COQ2: variants seen among roughly 807,000 people sequenced by gnomAD.
The protein encoded by COQ2 is 4-hydroxybenzoate polyprenyltransferase, mitochondrial.
A neutral mutation model predicts 35.7 loss-of-function variants in COQ2; 25 were observed. The ratio of observed to expected loss-of-function variants is 0.70; its 90% confidence interval spans 0.51 to 0.98. The LOEUF is 0.98. Among genes scored for constraint, COQ2 ranks in the 50% least tolerant of loss-of-function variants. The pLI is 0.00. For synonymous variants in COQ2, 206 were observed against 186.2 expected, an observed-to-expected ratio of 1.11 and a Z score of -0.86; for missense variants, 488 against 473.5, an observed-to-expected ratio of 1.03 and a Z score of -0.28.
intron 2 of COQ2, among the ~76,000 whole-genome samples, chr4:83,276,124 A>G (rs1735177356): frequency 6.8e-6 from 1 of 147,286 alleles, no homozygotes; most frequent in Admixed American, 6.8e-5. Flanking sequence ...TGTACAGAAT[A>G]AAACTGACCA....
At chr4:83,284,915 C>A, upstream of COQ2, 1 of 1,509,190 alleles carries the variant, frequency 6.6e-7, no homozygotes, top group Non-Finnish European at 8.8e-7. Flanking sequence ...TTGGGGTCAT[C>A]GTGGTCGCTT....
At position 83,264,354 on chromosome 4, in the gene COQ2, G is replaced by C. The variant is rs2126170297; in HGVS notation, c.961C>G (p.Leu321Val). 1.9e-6 allele frequency: 3 copies of C among 1,607,176 alleles called. No homozygotes were observed. The highest frequency in any genetic ancestry group is 1.1e-5 in the South Asian group (1 of 89,220). The stretch of plus-strand genomic sequence containing the variant: ...CAATCCTCAGGTCTGTGGATGTCTA[G>C]AGTGTAAATCTGCAAGAGAGGAATA... ...GAHLTHQIYT[L>V]DIHRPEDCWN... Residue 321 changes from leucine (L) to valine (V), a missense_variant, in exon 7 of 7, where the codon CTA becomes GTA. Transcript: ENST00000647002.
chr4:83,270,399 A>G (rs537545211), intron 4 of COQ2, among the ~76,000 whole-genome samples: 9 of 152,082 alleles, frequency 5.9e-5, no homozygotes, highest in Non-Finnish European at 1.3e-4. Flanking sequence ...CTCCCCTATC[A>G]GCTACTGAAA....
intron 1 of COQ2, 142 bp from the exon 2 acceptor site, chr4:83,279,256 A>G (rs1275624480): frequency 9.1e-7 from 1 of 1,103,668 alleles, no homozygotes; most frequent in African/African-American, 1.6e-5. Context: ...TAAATTTGCA[A>G]CTCAAATCAC....
intron 1 of COQ2, chr4:83,283,439 A>T (rs1179198625): frequency 1.0e-6 from 1 of 985,246 alleles, no homozygotes; most frequent in Non-Finnish European, 1.2e-6. Context: ...TAGTGTTCTA[A>T]CACTCCACCC....
At chr4:83,282,883 G>C (rs528300000) in intron 1 of COQ2, among the ~76,000 whole-genome samples, 2 of 152,308 alleles carry the variant, frequency 1.3e-5, no homozygotes, top group African/African-American at 4.8e-5. Context: ...ATGGCGGAAG[G>C]TCCAGCCACT....
At position 83,269,850 on chromosome 4, in the gene COQ2, AT is replaced by A. The variant is rs1337962264; in HGVS notation, c.762+9del. ...ACTAAACCAAAGTTAAGAAAAGATA[AT>A]TTCTTTACCTGATGGGCATAAATAG... On this transcript the variant is annotated intron_variant, in intron 5 of 6. Transcript: ENST00000647002. 6.5e-7 allele frequency: 1 copy of A among 1,538,148 alleles called. No homozygotes were observed. The highest frequency in any genetic ancestry group is 8.7e-7 in the Non-Finnish European group (1 of 1,145,612).
In COQ2 at chr4:83,273,491, T is replaced by C. The variant is rs1735095860; in HGVS notation, c.542+5A>G. Reference sequence around the variant, plus strand: ...TATACATGATGTGGAAAACGTTTAATATACCTGTAGTAATTTAGACACAGA... The same window carrying C: ...TATACATGATGTGGAAAACGTTTAACATACCTGTAGTAATTTAGACACAGA... On this transcript the variant is annotated splice_donor_5th_base_variant and intron_variant, in intron 3 of 6. Transcript: ENST00000647002. 6.8e-6 allele frequency: 11 copies of C among 1,608,688 alleles called. No homozygotes were observed. Among genetic ancestry groups the C allele is most frequent in the Non-Finnish European group, 8.5e-6 (10 of 1,178,258 alleles).
Position 83,265,501 on chromosome 4 carries a change from G to A in COQ2, c.952-1138C>T, listed in dbSNP as rs144040312. Among the ~76,000 whole-genome samples the A allele has an allele frequency of 6.7e-3, 1,018 of 152,136 alleles. 9 individuals are homozygous for A. The highest frequency in any genetic ancestry group is 0.023 in the African/African-American group (964 of 41,532). On this transcript the variant is annotated intron_variant, in intron 6 of 6. Transcript: ENST00000647002. ...GCACGAGAATCGCTTGAAACCAGGA[G>A]GTGGTGGAGGTTGTACTGAGCCAAG...
chr4:83,269,819 G>C (rs1490198937), intron 5 of COQ2, 41 bp downstream of exon 5: 1 of 1,457,166 alleles, frequency 6.9e-7, no homozygotes, highest in Non-Finnish European at 9.1e-7. Context: ...TTTAAAAACA[G>C]CAACAACTAA....
At chr4:83,284,438 G>A in intron 1 of COQ2, 74 bp downstream of exon 1, 2 of 1,482,632 alleles carry the variant, frequency 1.3e-6, no homozygotes, top group Non-Finnish European at 1.8e-6. Flanking sequence ...GCCGGCCGCC[G>A]CGGACAGCTC....
At chr4:83,269,093 T>C (rs1353764001) in intron 5 of COQ2, among the ~76,000 whole-genome samples, 1 of 152,208 alleles carries the variant, frequency 6.6e-6, no homozygotes, top group Non-Finnish European at 1.5e-5. Flanking sequence ...TAAAAATGCA[T>C]ATAATCCTTT....
At position 83,284,788 on chromosome 4, in the gene COQ2, C is replaced by G. The variant is rs1193747329; in HGVS notation, c.-24G>C. On this transcript the variant is annotated 5_prime_UTR_variant, in exon 1 of 7. Coordinates refer to ENST00000647002, the MANE Select transcript of COQ2 (RefSeq NM_001358921.2). ...ATGGCGCTGGTGAGGCCGGGACGAG[C>G]TCGGATTGACGTCATTCCCCGGCAG... The G allele has an allele frequency of 3.2e-6, 5 of 1,567,392 alleles. No individual in the cohort carries two copies. The South Asian group carries it at 5.8e-5, about 18-fold the overall frequency.
At chr4:83,284,318 T>G (rs1241296823) in intron 1 of COQ2, 194 bp downstream of exon 1, 1 of 983,472 alleles carries the variant, frequency 1.0e-6, no homozygotes, top group Admixed American at 6.2e-5. Context: ...GCAGCCAAGC[T>G]CAAGCTTTCA....
At chr4:83,270,101 G>A (rs1735012071) in intron 4 of COQ2, 108 bp from the exon 5 acceptor site, 2 of 1,178,456 alleles carry the variant, frequency 1.7e-6, no homozygotes, top group Admixed American at 2.5e-5. Context: ...ATCAGACTCT[G>A]TGTGTGCTGC....
At chr4:83,268,438 T>C (rs962177887) in intron 5 of COQ2, among the ~76,000 whole-genome samples, 3 of 152,210 alleles carry the variant, frequency 2.0e-5, no homozygotes, top group Admixed American at 6.5e-5. Context: ...TCAGTGGCTG[T>C]ATGCTGAACT....
intron 1 of COQ2, chr4:83,283,379 G>C: frequency 1.0e-6 from 1 of 985,284 alleles, no homozygotes; most frequent in Non-Finnish European, 1.2e-6. Context: ...GTCTAGTCTC[G>C]TTTCCCATTT....
rs1211169430 is a variant in COQ2 at position 83,264,214 on chromosome 4, A to G, written c.1101T>C (p.Asn367=). 6.9e-7 allele frequency: 1 copy of G among 1,442,056 alleles called. No homozygotes were observed. The highest frequency in any genetic ancestry group is 9.5e-7 in the Non-Finnish European group (1 of 1,056,840). 89.3% of individuals were successfully genotyped at this position (1,442,056 alleles called of 1,614,324 possible). A position where few individuals can be genotyped will look rare whatever the true frequency, so the allele number is the denominator to read the frequency against. The change falls in exon 7 of 7, where the codon AAT becomes AAC. Residue 367 remains asparagine (N), a synonymous_variant. Transcript: ENST00000647002. ...KTDKTKKGIE[N]KIEN ...ATTTCATTCATTAATTTTCTATTTT[A>G]TTCTCTATACCCTTCTTTGTTTTGT...
At position 83,272,116 on chromosome 4, in the gene COQ2, C is replaced by A. The variant is rs1735062056; in HGVS notation, c.599G>T (p.Arg200Ile). The A allele has an allele frequency of 2.5e-6, 4 of 1,610,246 alleles. No individual in the cohort carries two copies. Among genetic ancestry groups the A allele is most frequent in the African/African-American group, 2.7e-5 (2 of 74,750 alleles). ...LLVITYPLMK[R>I]ISYWPQLALG... Reference sequence around the variant, plus strand: ...GGCTAGTTGAGGCCAGTATGAAATTCTTTTCATTAGTGGGTAGGTGATGAC... The same window carrying A: ...GGCTAGTTGAGGCCAGTATGAAATTATTTTCATTAGTGGGTAGGTGATGAC... The change falls in exon 4 of 7, where the codon AGA becomes ATA. Residue 200 changes from arginine (R) to isoleucine (I), a missense_variant. Transcript: ENST00000647002.
Sources: allele counts gnomAD v4.1 joint callset (sites outside exome capture counted in the v4.1 genomes callset), GRCh38; gene constraint gnomAD v4.1.1; transcripts MANE v1.5; gene names NCBI Gene and HGNC (gene_info 2026-07-23, HGNC 2026-07-21).